ALMS1: variants seen among roughly 807,000 people sequenced by gnomAD.
The protein encoded by ALMS1 is ALMS1 centrosome and basal body associated protein, also known as centrosome-associated protein ALMS1.
Under a neutral mutation model 352.2 loss-of-function variants are expected in ALMS1, and 271 were observed. The ratio of observed to expected loss-of-function variants is 0.77; its 90% CI spans 0.70 to 0.85. The LOEUF (loss-of-function observed/expected upper bound fraction) is 0.85, where lower values mean the gene tolerates loss of function less well. Ranked by LOEUF, ALMS1 falls within the 40% of genes least tolerant of loss-of-function variation. The pLI is 0.00. For missense variants in ALMS1, 5,445 were observed against 4,870.7 expected, an observed-to-expected ratio of 1.12 and a Z score of -3.51; for synonymous variants, 1,865 against 1,761.2, an observed-to-expected ratio of 1.06 and a Z score of -1.48.
chr2:73,511,295 T>C (rs553289507), intron 10 of ALMS1, among the ~76,000 whole-genome samples: 1 of 151,982 alleles, frequency 6.6e-6, no homozygotes, highest in Non-Finnish European at 1.5e-5. Context: ...GTTTTGTGCT[T>C]GAAACCAGGG....
At chr2:73,523,137 T>C (rs1161014931) in intron 11 of ALMS1, among the ~76,000 whole-genome samples, 5 of 152,222 alleles carry the variant, frequency 3.3e-5, no homozygotes, top group Non-Finnish European at 5.9e-5. Context: ...TATAGGCAAG[T>C]ACCATCTATG....
chr2:73,463,003 C>T (rs1165741820), intron 9 of ALMS1, among the ~76,000 whole-genome samples: 18 of 152,146 alleles, frequency 1.2e-4, no homozygotes, highest in Non-Finnish European at 1.6e-4. Flanking sequence ...CACACAATAA[C>T]AATGGGAGAC....
At chr2:73,609,498 G>A (rs1195275023) in intron 22 of ALMS1, 70 bp from the exon 23 acceptor site, 1 of 1,407,340 alleles carries the variant, frequency 7.1e-7, no homozygotes, top group African/African-American at 1.4e-5. Context: ...CATGGATGCA[G>A]GGAGGAGAGG....
In ALMS1 at chr2:73,449,837, G is replaced by A. The variant is rs868703237; in HGVS notation, c.3310G>A (p.Gly1104Ser). 19 of 1,613,860 alleles carry A rather than the reference G, an allele frequency of 1.2e-5. No individual in the cohort carries two copies. Among genetic ancestry groups the A allele is most frequent in the Admixed American group, 1.7e-5 (1 of 59,968 alleles). The change falls in exon 8 of 23, where the codon GGT becomes AGT. Residue 1104 changes from glycine to serine, a missense_variant. Coordinates refer to ENST00000613296, the MANE Select transcript of ALMS1 (RefSeq NM_001378454.1). ...TTTCTACTCACAAAGAGAGAAGCCTGGTATTTTCTACCAACAGACCTTGCC... is the reference window on the plus strand; with the variant it reads ...TTTCTACTCACAAAGAGAGAAGCCTAGTATTTTCTACCAACAGACCTTGCC... ...STFYSQREKP[G>S]IFYQQTLPES...
rs1208636696 is a variant in ALMS1, at chr2:73,450,845, C to T, written c.4318C>T (p.Gln1440Ter). The T allele has an allele frequency of 1.9e-6, 3 of 1,614,096 alleles. No homozygotes were observed. The highest frequency in any genetic ancestry group is 2.5e-6 in the Non-Finnish European group (3 of 1,179,974). Residue 1440 changes from glutamine to a stop codon, truncating the protein, a stop_gained, in exon 8 of 23, where the codon CAA becomes TAA. Coordinates refer to ENST00000613296, the MANE Select transcript of ALMS1 (RefSeq NM_001378454.1). LOFTEE classifies it high-confidence loss of function. ...SHTEKPGSFYQQVLPHSHLPE... is the reference protein window; with the variant it reads ...SHTEKPGSFY ...CACAGAGAAGCCTGGTAGTTTCTAC[C>T]AACAGGTCTTGCCACATAGTCATCT... is the stretch of plus-strand genomic sequence containing the variant.
rs1184397181 is a variant in ALMS1, at chr2:73,454,079, G to A, written c.7540+12G>A. The A allele has an allele frequency of 6.2e-7, 1 of 1,600,370 alleles. No individual in the cohort carries two copies. The highest frequency in any genetic ancestry group is 1.1e-5 in the South Asian group (1 of 89,062). ...GGTACGAGCACATGGTAAGAAGAAA[G>A]TTTCAGGCTTATAAACGTTATAGTT... On this transcript the variant is annotated intron_variant, in intron 8 of 22. Transcript: ENST00000613296.
At chr2:73,410,029 C>T (rs1001773257) in intron 2 of ALMS1, among the ~76,000 whole-genome samples, 1 of 152,196 alleles carries the variant, frequency 6.6e-6, no homozygotes, top group Non-Finnish European at 1.5e-5. Context: ...TGGATCAGGC[C>T]TACCCACATT....
chr2:73,488,332 A>G (rs1025833251), intron 9 of ALMS1, among the ~76,000 whole-genome samples: 6 of 152,204 alleles, frequency 3.9e-5, no homozygotes, highest in Admixed American at 3.9e-4. Context: ...GTGTGCGCAC[A>G]CCTGGCTGGG....
chr2:73,499,974 G>C (rs886906221), intron 10 of ALMS1, among the ~76,000 whole-genome samples: 15 of 152,066 alleles, frequency 9.9e-5, no homozygotes, highest in Non-Finnish European at 5.9e-5. Context: ...GCAGATGCTG[G>C]TCCCATGCTT....
chr2:73,510,269 T>G (rs1327924901), intron 10 of ALMS1, among the ~76,000 whole-genome samples: 1 of 152,166 alleles, frequency 6.6e-6, no homozygotes, highest in African/African-American at 2.4e-5. Context: ...GTGAGAGTTG[T>G]GATCCTTTGG....
intron 9 of ALMS1, among the ~76,000 whole-genome samples, chr2:73,474,371 C>CTGTGTGTGTGTG (rs377039331): frequency 9.2e-4 from 88 of 95,554 alleles, no homozygotes; most frequent in Admixed American, 7.8e-3. Context: ...CTTGTTGACT[C>CTGTGTGTGTGTG]TGTGTGTGTG....
At chr2:73,456,514 C>T (rs1302592493) in intron 9 of ALMS1, among the ~76,000 whole-genome samples, 1 of 152,082 alleles carries the variant, frequency 6.6e-6, no homozygotes, top group African/African-American at 2.4e-5. Context: ...CGTGTGATGT[C>T]TAGTTAGTAC....
Position 73,385,971 on chromosome 2 carries a change from G to GCGA in ALMS1, c.104_106dup (p.Ala35_Asn36insThr), listed in dbSNP as rs1558624672. 6.6e-7 allele frequency: 1 copy of GCGA among 1,526,530 alleles called. No homozygotes were observed. The highest frequency in any genetic ancestry group is 1.4e-5 in the African/African-American group (1 of 72,478). The allele number at this position is 1,526,530 out of a possible 1,614,324, so 94.6% of individuals were successfully genotyped here. On this transcript the variant is annotated inframe_insertion, in exon 1 of 23. Coordinates refer to ENST00000613296, the MANE Select transcript of ALMS1 (RefSeq NM_001378454.1). The stretch of plus-strand genomic sequence containing the variant: ...GGAGGAGGCTGCAGCGGCGGCGGCG[G>GCGA]CGAACGTGGACGACGTAGTGGTCGT...
At position 73,539,234 on chromosome 2, in the gene ALMS1, G is replaced by T. The variant is rs1035440390; in HGVS notation, c.9907+4285G>T. On this transcript the variant is annotated intron_variant, in intron 12 of 22. Coordinates refer to ENST00000613296, the MANE Select transcript of ALMS1 (RefSeq NM_001378454.1). ...CAACATTTGCTGTTCACCAATATTCGCTGTTCTGCAGCCTCTGCTGCTGAT... is the reference window on the plus strand; with the variant it reads ...CAACATTTGCTGTTCACCAATATTCTCTGTTCTGCAGCCTCTGCTGCTGAT... Among the ~76,000 whole-genome samples, 24 of 152,274 alleles carry T rather than the reference G, an allele frequency of 1.6e-4. No individual in the cohort carries two copies. In the East Asian group the frequency reaches 3.5e-3, roughly 22 times the overall value.
intron 12 of ALMS1, among the ~76,000 whole-genome samples, chr2:73,547,187 G>T (rs186160653): frequency 6.6e-6 from 1 of 152,166 alleles, no homozygotes; most frequent in Non-Finnish European, 1.5e-5. Context: ...GGCTGGGCTA[G>T]GTTATGATGC....
At chr2:73,477,602 C>T (rs1208120877) in intron 9 of ALMS1, among the ~76,000 whole-genome samples, 2 of 151,838 alleles carry the variant, frequency 1.3e-5, no homozygotes, top group East Asian at 1.9e-4. Context: ...ATTAATCTTT[C>T]AGTCCATAAA....
chr2:73,480,446 G>A (rs1239463611), intron 9 of ALMS1, among the ~76,000 whole-genome samples: 1 of 152,182 alleles, frequency 6.6e-6, no homozygotes, highest in African/African-American at 2.4e-5. Flanking sequence ...TGGTGTATAT[G>A]TGCCACATTT....
At chr2:73,535,903 GCC>G (rs1383780300) in intron 12 of ALMS1, among the ~76,000 whole-genome samples, 2 of 152,002 alleles carry the variant, frequency 1.3e-5, no homozygotes, top group African/African-American at 4.8e-5. Flanking sequence ...AGGAGAAGTT[GCC>G]CCTGGTCTTA....
At position 73,572,278 on chromosome 2, in the gene ALMS1, A is replaced by C. The variant is rs1674945338; in HGVS notation, c.10401A>C (p.Ser3467=). 3 of 1,607,944 alleles carry C rather than the reference A, an allele frequency of 1.9e-6. No individual in the cohort carries two copies. The highest frequency in any genetic ancestry group is 8.5e-7 in the Non-Finnish European group (1 of 1,178,440). The change falls in exon 16 of 23, where the codon TCA becomes TCC. Residue 3467 remains serine (S), a synonymous_variant. Transcript: ENST00000613296. ...QINIEESECH[S]EFENTTRSVF... is the part of the protein sequence containing the mutation. Reference sequence around the variant, plus strand: ...CCTTTTCAGAGTCCGAATGTCATTCAGAATTTGAAAATACTACCCGTTCTG... The same window carrying C: ...CCTTTTCAGAGTCCGAATGTCATTCCGAATTTGAAAATACTACCCGTTCTG...
Sources: allele counts gnomAD v4.1 joint callset (sites outside exome capture counted in the v4.1 genomes callset), GRCh38; gene constraint gnomAD v4.1.1; transcripts MANE v1.5; gene names NCBI Gene and HGNC (gene_info 2026-07-23, HGNC 2026-07-21).